Variants in SENP7 observed in about 807,000 individuals in gnomAD.
SENP7 encodes SUMO specific peptidase 7.
Under a neutral mutation model 141.2 loss-of-function variants are expected in SENP7, and 64 were observed. That is an observed-to-expected ratio of 0.45 (90% CI 0.37 to 0.56). The LOEUF (loss-of-function observed/expected upper bound fraction) is 0.56. Among genes scored for constraint, SENP7 ranks in the 20% least tolerant of loss-of-function variants. SENP7 has a pLI of 0.00. For missense variants in SENP7, 1,025 were observed against 1,212.2 expected (o/e 0.85, Z 2.29); for synonymous variants, 382 against 426.4 (o/e 0.90, Z 1.28).
chr3:101,391,758 T>A (rs187018952), intron 6 of SENP7, among the ~76,000 whole-genome samples: 1 of 152,198 alleles, frequency 6.6e-6, no homozygotes, highest in Non-Finnish European at 1.5e-5. Context: ...ACTACCCTGA[T>A]AACAAAACTA....
intron 16 of SENP7, among the ~76,000 whole-genome samples, chr3:101,339,244 T>C (rs539895452): frequency 1.6e-4 from 25 of 152,122 alleles, no homozygotes; most frequent in Non-Finnish European, 1.5e-4. Flanking sequence ...CAATAGAGCT[T>C]AGGTAAGATT....
chr3:101,463,380 T>TATATATATATACATATAC (rs1167769147), intron 3 of SENP7, among the ~76,000 whole-genome samples: 1 of 72,142 alleles, frequency 1.4e-5, no homozygotes, highest in Non-Finnish European at 2.6e-5. Context: ...TATATATATA[T>TATATATATATACATATAC]ATATATATAT....
intron 4 of SENP7, among the ~76,000 whole-genome samples, chr3:101,431,745 T>C (rs781277685): frequency 3.3e-5 from 5 of 151,504 alleles, no homozygotes; most frequent in Non-Finnish European, 5.9e-5. Flanking sequence ...GATTGCGCCA[T>C]TGCACTCCAG....
chr3:101,499,310 A>G (rs1034439709), intron 2 of SENP7, among the ~76,000 whole-genome samples: 1 of 152,188 alleles, frequency 6.6e-6, no homozygotes, highest in Non-Finnish European at 1.5e-5. Context: ...AAATAGTGGT[A>G]GTTAATACAG....
intron 10 of SENP7, 68 bp downstream of exon 10, chr3:101,364,766 C>A: frequency 8.8e-7 from 1 of 1,132,340 alleles, no homozygotes; most frequent in South Asian, 1.8e-5. Context: ...CTTGATAAAA[C>A]AAATAACAGT....
chr3:101,442,545 C>G (rs544845083), intron 4 of SENP7, among the ~76,000 whole-genome samples: 397 of 152,254 alleles, frequency 2.6e-3, no homozygotes, highest in Non-Finnish European at 4.2e-3. Flanking sequence ...TGGTTCCTAA[C>G]AGGCCACGGA....
intron 4 of SENP7, among the ~76,000 whole-genome samples, chr3:101,422,128 G>A (rs950762457): frequency 5.3e-5 from 8 of 152,140 alleles, no homozygotes; most frequent in Non-Finnish European, 1.0e-4. Flanking sequence ...ATAGGAGCAC[G>A]AACCCTATTG....
Position 101,361,829 on chromosome 3 carries a change from G to A in SENP7, c.1509C>T (p.Val503=), listed in dbSNP as rs908531482. ...GCATAATACTGGAAATGTTCTCCAT[G>A]ACAGGATTATATGGGCATAATTCAG... ...MSSELCPYNP[V]MENISSIMPS... The change falls in exon 11 of 24, where the codon GTC becomes GTT. Residue 503 remains valine, a synonymous_variant. Coordinates refer to ENST00000394095, the MANE Select transcript of SENP7 (RefSeq NM_020654.5). The A allele has an allele frequency of 1.2e-6, 2 of 1,605,298 alleles. No homozygotes were observed. Among genetic ancestry groups the A allele is most frequent in the South Asian group, 1.1e-5 (1 of 88,522 alleles).
chr3:101,366,008 C>T (rs1194633065), intron 9 of SENP7, among the ~76,000 whole-genome samples: 1 of 152,144 alleles, frequency 6.6e-6, no homozygotes, highest in Non-Finnish European at 1.5e-5. Flanking sequence ...CACTGGAGAT[C>T]CTTTAAAACC....
At chr3:101,377,203 G>T (rs2060361720) in intron 6 of SENP7, among the ~76,000 whole-genome samples, 1 of 152,092 alleles carries the variant, frequency 6.6e-6, no homozygotes, top group South Asian at 2.1e-4. Flanking sequence ...CAACATGAAA[G>T]GAGCTTGGAA....
chr3:101,342,872 G>A (rs1275940820), intron 14 of SENP7, among the ~76,000 whole-genome samples: 4 of 151,978 alleles, frequency 2.6e-5, no homozygotes, highest in Admixed American at 2.0e-4. Context: ...CACCATGTTG[G>A]CCAAGATGGT....
intron 1 of SENP7, among the ~76,000 whole-genome samples, chr3:101,511,430 G>C (rs926964526): frequency 6.6e-6 from 1 of 152,156 alleles, no homozygotes; most frequent in Non-Finnish European, 1.5e-5. Context: ...CACACCTAAA[G>C]TTCTGTGTTA....
Position 101,325,757 on chromosome 3 carries a change from CCCATT to C in SENP7, c.*181_*185del, listed in dbSNP as rs2052779417. On this transcript the variant is annotated 3_prime_UTR_variant, in exon 24 of 24. Transcript: ENST00000394095. ...TAAGTTTATCTATATCACCCCCATT[CCCATT>C]CCATCTATGAGATCCCAACAATTCT... 2.5e-6 allele frequency: 1 copy of C among 399,076 alleles called. No individual in the cohort carries two copies. 24.7% of individuals were successfully genotyped at this position (399,076 alleles called of 1,614,324 possible). A position where few individuals can be genotyped will look rare whatever the true frequency, so the allele number is the denominator to read the frequency against.
intron 4 of SENP7, among the ~76,000 whole-genome samples, chr3:101,438,763 T>C (rs2062489123): frequency 6.6e-6 from 1 of 152,210 alleles, no homozygotes; most frequent in Non-Finnish European, 1.5e-5. Context: ...CGTGACCAGA[T>C]GGCTTCACTG....
At chr3:101,442,530 C>A (rs1306455290) in intron 4 of SENP7, among the ~76,000 whole-genome samples, 1 of 152,106 alleles carries the variant, frequency 6.6e-6, no homozygotes, top group African/African-American at 2.4e-5. Flanking sequence ...CCTGGCTCTG[C>A]GGCCTGGTTC....
chr3:101,406,612 G>GA (rs569134069), intron 5 of SENP7, among the ~76,000 whole-genome samples: 97 of 151,778 alleles, frequency 6.4e-4, no homozygotes, highest in African/African-American at 2.2e-3. Flanking sequence ...TGTTCCTGAG[G>GA]AAAAAGAGAA....
intron 16 of SENP7, among the ~76,000 whole-genome samples, chr3:101,339,362 A>T (rs1474849726): frequency 6.6e-6 from 1 of 152,222 alleles, no homozygotes; most frequent in African/African-American, 2.4e-5. Context: ...GCTAGAAGCA[A>T]ATTTCCTTTG....
At chr3:101,474,427 T>C (rs527267286) in intron 3 of SENP7, among the ~76,000 whole-genome samples, 1 of 152,312 alleles carries the variant, frequency 6.6e-6, no homozygotes, top group South Asian at 2.1e-4. Context: ...CTAGGTATTT[T>C]ATTCTTTTTG....
intron 6 of SENP7, among the ~76,000 whole-genome samples, chr3:101,395,286 C>T (rs564134943): frequency 2.6e-5 from 4 of 152,276 alleles, no homozygotes; most frequent in East Asian, 1.9e-4. Context: ...TCAGGTCTTA[C>T]GTTTAAAGTA....
Sources: allele counts gnomAD v4.1 joint callset (sites outside exome capture counted in the v4.1 genomes callset), GRCh38; gene constraint gnomAD v4.1.1; transcripts MANE v1.5; gene names NCBI Gene and HGNC (gene_info 2026-07-23, HGNC 2026-07-21).